Variants in NGEF observed in about 807,000 individuals in gnomAD.
NGEF encodes ephexin-1.
Under a neutral mutation model 80.9 loss-of-function variants are expected in NGEF, and 31 were observed. That is an observed-to-expected ratio of 0.38 (90% CI 0.29 to 0.52). The LOEUF (loss-of-function observed/expected upper bound fraction) is 0.52. NGEF is among the 20% of genes least tolerant of loss of function. The pLI is 0.84. For missense variants in NGEF, 709 were observed against 926.2 expected, an observed-to-expected ratio of 0.77 and a Z score of 3.04; for synonymous variants, 371 against 370.2, an observed-to-expected ratio of 1.00 and a Z score of -0.03.
At chr2:232,951,230 T>C (rs1361248400) in intron 3 of NGEF, among the ~76,000 whole-genome samples, 1 of 152,178 alleles carries the variant, frequency 6.6e-6, no homozygotes. Flanking sequence ...GCTACCTCGA[T>C]GTCTAGGGCT....
At position 232,895,037 on chromosome 2, in the gene NGEF, G is replaced by T. The variant is rs566119282; in HGVS notation, c.829-121C>A. The stretch of plus-strand genomic sequence containing the variant: ...GGGAGTTGAAAGGGAAAAATCGCCT[G>T]CTCCTGGGGCCTGGGATGGCTGCTG... On this transcript the variant is annotated intron_variant, in intron 5 of 14. Coordinates refer to ENST00000264051, the MANE Select transcript of NGEF (RefSeq NM_019850.3). 3.5e-6 allele frequency: 4 copies of T among 1,130,802 alleles called. No homozygotes were observed. The African/African-American group carries it at 6.1e-5, about 17-fold the overall frequency. The allele number at this position is 1,130,802 out of a possible 1,614,324, so 70.0% of individuals were successfully genotyped here.
At chr2:232,900,289 CTCAG>C (rs1282763620) in intron 5 of NGEF, among the ~76,000 whole-genome samples, 1,995 of 101,372 alleles carry the variant, frequency 0.02, 566 homozygotes, top group Non-Finnish European at 0.032. Flanking sequence ...CACACACGCT[CTCAG>C]TCACTCATAT....
chr2:232,930,499 T>A (rs1250421568), intron 3 of NGEF, among the ~76,000 whole-genome samples: 1 of 151,992 alleles, frequency 6.6e-6, no homozygotes, highest in Admixed American at 6.6e-5. Flanking sequence ...TTTGTATTTT[T>A]AGTAGAGATG....
At chr2:232,943,750 C>T (rs2106299244) in intron 3 of NGEF, among the ~76,000 whole-genome samples, 1 of 151,398 alleles carries the variant, frequency 6.6e-6, no homozygotes, top group East Asian at 2.0e-4. Context: ...CCGCCTCAGC[C>T]TCCCAAAGTG....
Position 232,900,181 on chromosome 2 carries a change from TTC to T in NGEF, c.829-5267_829-5266del, listed in dbSNP as rs1692267231. 1.6e-4 allele frequency among the ~76,000 whole-genome samples: 4 copies of T among 25,754 alleles called. 1 individual carries two copies. Among genetic ancestry groups the T allele is most frequent in the East Asian group, 9.2e-4 (1 of 1,086 alleles). 16.9% of individuals were successfully genotyped at this position (25,754 alleles called of 152,430 possible). On this transcript the variant is annotated intron_variant, in intron 5 of 14. Transcript: ENST00000264051. ...TCACTCATATACACGTTCACTCACA[TTC>T]ACACACACGCTCTCACAGTCACTCA...
chr2:232,984,812 C>A (rs951285328), intron 1 of NGEF, among the ~76,000 whole-genome samples: 2 of 152,102 alleles, frequency 1.3e-5, no homozygotes. Flanking sequence ...AAAAAAGCTG[C>A]GGATGATGGA....
At chr2:232,924,679 CTGTT>C (rs1693022492) in intron 4 of NGEF, among the ~76,000 whole-genome samples, 1 of 152,228 alleles carries the variant, frequency 6.6e-6, no homozygotes, top group Non-Finnish European at 1.5e-5. Flanking sequence ...AGCCAGGTGA[CTGTT>C]TGGCTGAATG....
intron 3 of NGEF, 95 bp from the exon 4 acceptor site, chr2:232,927,281 C>T: frequency 7.4e-7 from 1 of 1,344,576 alleles, no homozygotes; most frequent in Non-Finnish European, 9.9e-7. Context: ...CGGCTGCTAG[C>T]CAGCCGGACC....
At chr2:232,970,620 G>T (rs1391420999) in intron 2 of NGEF, among the ~76,000 whole-genome samples, 1 of 152,114 alleles carries the variant, frequency 6.6e-6, no homozygotes, top group Non-Finnish European at 1.5e-5. Context: ...CCTGAGGTCA[G>T]GATAGCCAAC....
chr2:232,977,466 G>A (rs1048658680), intron 1 of NGEF, among the ~76,000 whole-genome samples: 5 of 152,296 alleles, frequency 3.3e-5, no homozygotes, highest in Admixed American at 1.3e-4. Context: ...GGCTGGAGGC[G>A]CTGTTGAGGT....
chr2:233,004,149 C>G (rs1404383971), intron 1 of NGEF, among the ~76,000 whole-genome samples: 2 of 152,198 alleles, frequency 1.3e-5, no homozygotes, highest in African/African-American at 2.4e-5. Context: ...ACCTGCCCCT[C>G]TGTCCTTGTA....
intron 3 of NGEF, among the ~76,000 whole-genome samples, chr2:232,947,480 G>A (rs912300456): frequency 6.6e-6 from 1 of 152,072 alleles, no homozygotes; most frequent in African/African-American, 2.4e-5. Context: ...TTATGGGGGC[G>A]ATTTCCCCCA....
intron 1 of NGEF, among the ~76,000 whole-genome samples, chr2:232,987,958 C>A (rs1347930497): frequency 6.6e-6 from 1 of 151,684 alleles, no homozygotes. Context: ...GAGACCCAAG[C>A]TGGAGAAGGG....
chr2:233,008,288 A>G (rs1695128671), intron 1 of NGEF, among the ~76,000 whole-genome samples: 2 of 152,090 alleles, frequency 1.3e-5, no homozygotes, highest in Non-Finnish European at 2.9e-5. Context: ...GGGGGTCTGA[A>G]ATGATGGTGG....
intron 3 of NGEF, among the ~76,000 whole-genome samples, chr2:232,966,392 C>T (rs1185399887): frequency 6.6e-6 from 1 of 152,238 alleles, no homozygotes; most frequent in Admixed American, 6.5e-5. Flanking sequence ...GCCTCTCTGC[C>T]TTGCCTTCGG....
chr2:233,012,310 G>A (rs1695225528), intron 1 of NGEF, among the ~76,000 whole-genome samples: 1 of 152,166 alleles, frequency 6.6e-6, no homozygotes, highest in Admixed American at 6.5e-5. Context: ...AATCAAGATA[G>A]ACAATAAGAA....
intron 3 of NGEF, chr2:232,928,012 G>A (rs908667809): frequency 2.5e-6 from 3 of 1,217,010 alleles, no homozygotes; most frequent in Non-Finnish European, 3.1e-6. Flanking sequence ...GGTCGGCGGC[G>A]GGGCGGGTGC....
chr2:232,952,940 C>T (rs1325118560), intron 3 of NGEF, among the ~76,000 whole-genome samples: 4 of 108,914 alleles, frequency 3.7e-5, no homozygotes, highest in African/African-American at 1.4e-4. Context: ...TGCACTCCAA[C>T]AAGAGTGCAG....
intron 1 of NGEF, among the ~76,000 whole-genome samples, chr2:232,996,358 A>G (rs1397644834): frequency 2.6e-5 from 4 of 152,098 alleles, no homozygotes; most frequent in Non-Finnish European, 2.9e-5. Context: ...ACAAACAACA[A>G]CAACAACAGC....
Sources: gnomAD v4.1 joint callset for allele counts (sites outside exome capture counted in the v4.1 genomes callset) on GRCh38, gnomAD v4.1.1 for gene constraint, MANE v1.5 for transcripts, NCBI Gene and HGNC (gene_info 2026-07-23, HGNC 2026-07-21) for gene names.